Variants in ZNF410 observed in about 807,000 individuals in gnomAD.
ZNF410 encodes zinc finger protein 410.
Under a neutral mutation model 54.8 loss-of-function variants are expected in ZNF410, and 18 were observed. The observed-to-expected ratio is 0.33, with a 90% CI of 0.23 to 0.49. ZNF410 has a LOEUF of 0.49. ZNF410 is among the 20% of genes least tolerant of loss of function. The pLI, the probability that ZNF410 is intolerant of heterozygous loss-of-function variation, is 0.99. For missense variants in ZNF410, 405 were observed against 569.6 expected (o/e 0.71, Z 2.94); for synonymous variants, 191 against 207.3 (o/e 0.92, Z 0.68).
chr14:73,902,442 T>C (rs2055423183), intron 5 of ZNF410, among the ~76,000 whole-genome samples: 1 of 152,102 alleles, frequency 6.6e-6, no homozygotes, highest in African/African-American at 2.4e-5. Flanking sequence ...TAATAGTAAC[T>C]AGCAGGAAGC....
chr14:73,911,649 C>T (rs1024567889), intron 8 of ZNF410, among the ~76,000 whole-genome samples: 1 of 152,074 alleles, frequency 6.6e-6, no homozygotes, highest in Non-Finnish European at 1.5e-5. Context: ...TTTTATATAG[C>T]AACAGTGGTG....
chr14:73,888,896 T>A (rs2055182584), intron 1 of ZNF410, among the ~76,000 whole-genome samples: 1 of 152,190 alleles, frequency 6.6e-6, no homozygotes, highest in Admixed American at 6.5e-5. Context: ...CACATACAAA[T>A]CATAAACTTG....
At chr14:73,902,520 G>A (rs2055424086) in intron 5 of ZNF410, among the ~76,000 whole-genome samples, 1 of 152,146 alleles carries the variant, frequency 6.6e-6, no homozygotes, top group Non-Finnish European at 1.5e-5. Context: ...GTATAGCAAG[G>A]AGAAGATTAA....
At chr14:73,928,668 G>A (rs2140333630) in intron 11 of ZNF410, among the ~76,000 whole-genome samples, 1 of 152,276 alleles carries the variant, frequency 6.6e-6, no homozygotes, top group East Asian at 1.9e-4. Flanking sequence ...AAAGACCTGG[G>A]TGTGGTGGAT....
At chr14:73,899,115 G>T (rs574921524) in intron 5 of ZNF410, among the ~76,000 whole-genome samples, 2 of 151,698 alleles carry the variant, frequency 1.3e-5, no homozygotes, top group African/African-American at 4.8e-5. Context: ...TAAGCACTTA[G>T]TACACAGTTG....
At chr14:73,894,684 C>T (rs1425205101) in intron 3 of ZNF410, among the ~76,000 whole-genome samples, 2 of 152,142 alleles carry the variant, frequency 1.3e-5, no homozygotes, top group Non-Finnish European at 2.9e-5. Flanking sequence ...GCCTTGGCCT[C>T]CCAAAGTGCT....
intron 8 of ZNF410, among the ~76,000 whole-genome samples, chr14:73,918,856 G>T (rs897504668): frequency 2.0e-5 from 3 of 150,502 alleles, no homozygotes; most frequent in African/African-American, 7.3e-5. Flanking sequence ...CCGCCACCAC[G>T]CCCGGCTACC....
chr14:73,931,715 T>C lies in ZNF410; in HGVS notation c.*174T>C. 1.6e-6 allele frequency: 1 copy of C among 630,574 alleles called. No individual in the cohort carries two copies. The highest frequency in any genetic ancestry group is 2.8e-6 in the Non-Finnish European group (1 of 352,720). The allele number at this position is 630,574 out of a possible 1,614,324, so 39.1% of individuals were successfully genotyped here. On this transcript the variant is annotated 3_prime_UTR_variant, in exon 12 of 12. Coordinates refer to ENST00000555044, the MANE Select transcript of ZNF410 (RefSeq NM_021188.3). ...GAAGATGGATGTAGGAGAGCTTCTT[T>C]TCTAACTACCATCTGATCAGACAAG...
intron 7 of ZNF410, among the ~76,000 whole-genome samples, chr14:73,908,159 G>T (rs1048739799): frequency 6.6e-6 from 1 of 152,102 alleles, no homozygotes; most frequent in African/African-American, 2.4e-5. Flanking sequence ...CCATTTTGCT[G>T]CATTGTCTTT....
intron 10 of ZNF410, 29 bp downstream of exon 10, chr14:73,922,235 G>T (rs749598906): frequency 2.5e-6 from 4 of 1,604,110 alleles, no homozygotes; most frequent in Non-Finnish European, 3.4e-6. Context: ...CTTTATTTGG[G>T]AAAAATGGGC....
intron 11 of ZNF410, among the ~76,000 whole-genome samples, chr14:73,930,703 A>G (rs1466024319): frequency 6.6e-6 from 1 of 152,132 alleles, no homozygotes; most frequent in Non-Finnish European, 1.5e-5. Context: ...CCTGGGCTCA[A>G]GTGATCCTCC....
intron 8 of ZNF410, among the ~76,000 whole-genome samples, chr14:73,918,359 C>G (rs2055700934): frequency 6.6e-6 from 1 of 152,132 alleles, no homozygotes; most frequent in Non-Finnish European, 1.5e-5. Context: ...CTTGGCCTCC[C>G]AAAGTACTAG....
chr14:73,908,697 G>A (rs2055529400), intron 7 of ZNF410, among the ~76,000 whole-genome samples: 2 of 152,074 alleles, frequency 1.3e-5, no homozygotes, highest in South Asian at 2.1e-4. Context: ...TTCCATCCTT[G>A]TCATCTTTTA....
In ZNF410 at chr14:73,921,081, G is replaced by A. The variant is rs2055747803; in HGVS notation, c.1105G>A (p.Gly369Arg). 1.9e-6 allele frequency: 3 copies of A among 1,614,098 alleles called. No individual in the cohort carries two copies. Among genetic ancestry groups the A allele is most frequent in the East Asian group, 2.2e-5 (1 of 44,888 alleles). ...RKHHLQLGAA[G>R]SQEQEQTAEP... ...GCATCACCTGCAGCTGGGAGCAGCTGGGAGTCAAGAGCAGGAGCAAACTGG... is the reference window on the plus strand; with the variant it reads ...GCATCACCTGCAGCTGGGAGCAGCTAGGAGTCAAGAGCAGGAGCAAACTGG... The change falls in exon 9 of 12, where the codon GGG (glycine) becomes AGG (arginine). Residue 369 changes from glycine (G) to arginine (R), a missense_variant. Gly to Arg is a moderately radical substitution (Grantham distance 125, BLOSUM62 -2). Transcript: ENST00000555044.
At chr14:73,887,804 C>G (rs1053907164) in intron 1 of ZNF410, among the ~76,000 whole-genome samples, 1 of 152,158 alleles carries the variant, frequency 6.6e-6, no homozygotes, top group Non-Finnish European at 1.5e-5. Flanking sequence ...TTACGTTTTG[C>G]ATCTAAGTAG....
At chr14:73,921,538 C>T (rs1022136627) in intron 9 of ZNF410, among the ~76,000 whole-genome samples, 6 of 152,066 alleles carry the variant, frequency 3.9e-5, no homozygotes, top group East Asian at 1.9e-4. Flanking sequence ...AGTGCAGTGG[C>T]GCCATCTCGA....
chr14:73,905,135 G>A (rs2055461693), intron 7 of ZNF410, 52 bp downstream of exon 7: 2 of 1,567,104 alleles, frequency 1.3e-6, no homozygotes, highest in East Asian at 2.3e-5. Flanking sequence ...GGCTCTGCAT[G>A]TTTGCCTCTC....
chr14:73,929,277 T>TG (rs2055877208), intron 11 of ZNF410, among the ~76,000 whole-genome samples: 1 of 152,058 alleles, frequency 6.6e-6, no homozygotes, highest in African/African-American at 2.4e-5. Context: ...TTTCAAGCTG[T>TG]GAGGCCCTCA....
At position 73,905,100 on chromosome 14, in the gene ZNF410, C is replaced by G. The variant is rs773556301; in HGVS notation, c.913+17C>G. Reference sequence around the variant, plus strand: ...TCCACACAGGTGTGTGCAGCACCAACATTCCTTTGGGCAGTCTGCTCCTTG... The same window carrying G: ...TCCACACAGGTGTGTGCAGCACCAAGATTCCTTTGGGCAGTCTGCTCCTTG... On this transcript the variant is annotated intron_variant, in intron 7 of 11. Transcript: ENST00000555044. The G allele has an allele frequency of 6.2e-7, 1 of 1,608,992 alleles. No homozygotes were observed. The highest frequency in any genetic ancestry group is 8.5e-7 in the Non-Finnish European group (1 of 1,178,206).
Sources: gnomAD v4.1 joint callset for allele counts (sites outside exome capture counted in the v4.1 genomes callset) on GRCh38, gnomAD v4.1.1 for gene constraint, MANE v1.5 for transcripts, NCBI Gene and HGNC (gene_info 2026-07-23, HGNC 2026-07-21) for gene names.